Variants in EDIL3 observed in about 807,000 individuals in gnomAD.
The protein encoded by EDIL3 is EGF like and discoidin domains 3.
In EDIL3, 37 loss-of-function variants were observed where a neutral mutation model predicts 67.4. The ratio of observed to expected loss-of-function variants is 0.55; its 90% CI spans 0.42 to 0.72. EDIL3 has a LOEUF of 0.72. Ranked by LOEUF, EDIL3 falls within the 30% of genes least tolerant of loss-of-function variation. EDIL3 has a pLI of 0.00. For synonymous variants in EDIL3, 195 were observed against 196.3 expected, an observed-to-expected ratio of 0.99 and a Z score of 0.05; for missense variants, 527 against 586.3, an observed-to-expected ratio of 0.90 and a Z score of 1.04.
chr5:84,078,254 CCA>C (rs1746899697), intron 6 of EDIL3, among the ~76,000 whole-genome samples: 1 of 151,866 alleles, frequency 6.6e-6, no homozygotes, highest in African/African-American at 2.4e-5. Context: ...GTGACTATCC[CCA>C]GAGGAATCGA....
chr5:84,021,051 C>T (rs1445870495), intron 9 of EDIL3, among the ~76,000 whole-genome samples: 2 of 151,970 alleles, frequency 1.3e-5, no homozygotes, highest in Non-Finnish European at 2.9e-5. Flanking sequence ...AAAAGAAATA[C>T]ATTAAAACTA....
intron 10 of EDIL3, among the ~76,000 whole-genome samples, chr5:83,956,180 C>T (rs1055292269): frequency 6.6e-6 from 1 of 151,762 alleles, no homozygotes; most frequent in African/African-American, 2.4e-5. Context: ...TCCCATAAGC[C>T]GCACCTCCTG....
intron 9 of EDIL3, among the ~76,000 whole-genome samples, chr5:83,970,282 A>ATATATATATATATATATG (rs1491302084): frequency 6.2e-5 from 8 of 129,426 alleles, no homozygotes; most frequent in African/African-American, 1.9e-4. Flanking sequence ...ATATATATAT[A>ATATATATATATATATATG]GTCTCTTTCA....
intron 3 of EDIL3, among the ~76,000 whole-genome samples, chr5:84,214,723 GT>G (rs1015168791): frequency 2.9e-4 from 42 of 143,212 alleles, no homozygotes; most frequent in Middle Eastern, 7.2e-3. Flanking sequence ...AGTGTGGTTT[GT>G]TTTTTTTTTT....
intron 9 of EDIL3, among the ~76,000 whole-genome samples, chr5:83,989,938 C>T (rs894738827): frequency 9.2e-5 from 14 of 152,116 alleles, no homozygotes; most frequent in Non-Finnish European, 1.8e-4. Flanking sequence ...ATCCAGCTGG[C>T]AACTAGCAAA....
chr5:84,057,401 G>A (rs5000987), intron 9 of EDIL3, among the ~76,000 whole-genome samples: 1 of 151,758 alleles, frequency 6.6e-6, no homozygotes, highest in Non-Finnish European at 1.5e-5. Flanking sequence ...CTTATGGGGT[G>A]TAAAATAGTT....
At chr5:84,106,113 C>T (rs1230874208) in intron 6 of EDIL3, among the ~76,000 whole-genome samples, 1 of 152,044 alleles carries the variant, frequency 6.6e-6, no homozygotes, top group Non-Finnish European at 1.5e-5. Context: ...TGGGAAATCA[C>T]TTAATATTTC....
chr5:84,239,501 C>T (rs1412450777), intron 2 of EDIL3, among the ~76,000 whole-genome samples: 2 of 151,818 alleles, frequency 1.3e-5, no homozygotes, highest in East Asian at 1.9e-4. Flanking sequence ...AGGTTTGTTA[C>T]ATATGTATAC....
At chr5:84,149,810 G>A (rs757751533) in intron 4 of EDIL3, among the ~76,000 whole-genome samples, 20 of 152,072 alleles carry the variant, frequency 1.3e-4, no homozygotes, top group South Asian at 2.1e-4. Context: ...CTAACAATGT[G>A]TGAGATGAAA....
chr5:84,181,145 A>C (rs1749005889), intron 3 of EDIL3: 1 of 152,250 alleles, frequency 6.6e-6, no homozygotes, highest in Non-Finnish European at 1.5e-5. Context: ...GCAGTCCGTC[A>C]AAAGTTGCAT....
chr5:84,319,190 TGGCCGGG>T (rs1746574482), intron 1 of EDIL3, among the ~76,000 whole-genome samples: 1 of 124,566 alleles, frequency 8.0e-6, no homozygotes, highest in Non-Finnish European at 1.8e-5. Context: ...TAGGAATGCT[TGGCCGGG>T]CGCGGTGGCT....
chr5:84,005,909 T>C (rs1277232049), intron 9 of EDIL3, among the ~76,000 whole-genome samples: 1 of 152,028 alleles, frequency 6.6e-6, no homozygotes, highest in African/African-American at 2.4e-5. Context: ...TATGATTTTA[T>C]ATCTAGAATA....
chr5:84,119,222 T>TTG (rs1387501665), intron 5 of EDIL3, among the ~76,000 whole-genome samples: 2 of 146,290 alleles, frequency 1.4e-5, no homozygotes, highest in Admixed American at 6.9e-5. Flanking sequence ...GTTTTTTTTT[T>TTG]TTTTTTTTTT....
chr5:84,285,162 C>T (rs982057758), intron 1 of EDIL3, among the ~76,000 whole-genome samples: 2 of 151,930 alleles, frequency 1.3e-5, no homozygotes, highest in Non-Finnish European at 2.9e-5. Context: ...TTTTAAGTGT[C>T]AAAAAAATCA....
At chr5:84,345,185 AATTAT>A (rs1221951364) in intron 1 of EDIL3, among the ~76,000 whole-genome samples, 6 of 152,202 alleles carry the variant, frequency 3.9e-5, no homozygotes, top group African/African-American at 1.4e-4. Context: ...ATCCTTCTGT[AATTAT>A]ATTATCAGGT....
intron 10 of EDIL3, among the ~76,000 whole-genome samples, chr5:83,944,894 A>T (rs988321895): frequency 6.6e-6 from 1 of 152,022 alleles, no homozygotes; most frequent in Non-Finnish European, 1.5e-5. Context: ...AACAAAAAAC[A>T]ACCAAACTCC....
intron 1 of EDIL3, among the ~76,000 whole-genome samples, chr5:84,319,287 C>G (rs1186615614): frequency 2.6e-5 from 2 of 76,622 alleles, no homozygotes; most frequent in Non-Finnish European, 6.2e-5. Context: ...GGTGAAACCC[C>G]GTCTCTACTA....
intron 1 of EDIL3, among the ~76,000 whole-genome samples, chr5:84,377,561 G>C (rs1307001924): frequency 6.6e-6 from 1 of 152,084 alleles, no homozygotes; most frequent in Non-Finnish European, 1.5e-5. Flanking sequence ...TAAAATACAA[G>C]AGGGGATTTA....
chr5:83,980,816 T>C (rs1227435040), intron 9 of EDIL3, among the ~76,000 whole-genome samples: 2 of 151,228 alleles, frequency 1.3e-5, no homozygotes, highest in Admixed American at 6.6e-5. Flanking sequence ...AAGATCACTA[T>C]ATAAAAGTCA....
Sources: gnomAD v4.1 joint callset for allele counts (sites outside exome capture counted in the v4.1 genomes callset) on GRCh38, gnomAD v4.1.1 for gene constraint, MANE v1.5 for transcripts, NCBI Gene and HGNC (gene_info 2026-07-23, HGNC 2026-07-21) for gene names.